Variants in GAB1 observed in about 807,000 individuals in gnomAD.
GAB1 encodes GRB2-associated-binding protein 1.
Under a neutral mutation model 66.5 loss-of-function variants are expected in GAB1, and 19 were observed. That is an observed-to-expected ratio of 0.29 (90% CI 0.20 to 0.42). The LOEUF (loss-of-function observed/expected upper bound fraction) is 0.42, where lower values mean the gene tolerates loss of function less well. GAB1 is among the 10% of genes least tolerant of loss of function. The pLI is 1.00. For missense variants in GAB1, 732 were observed against 858.5 expected, an observed-to-expected ratio of 0.85 and a Z score of 1.84; for synonymous variants, 294 against 301.4, an observed-to-expected ratio of 0.98 and a Z score of 0.25.
chr4:143,368,183 A>G lies in GAB1; in HGVS notation c.72+30923A>G, dbSNP rs577145181. 3.3e-5 allele frequency among the ~76,000 whole-genome samples: 5 copies of G among 152,132 alleles called. No homozygotes were observed. In the East Asian group the frequency reaches 9.6e-4, roughly 29 times the overall value. On this transcript the variant is annotated intron_variant, in intron 1 of 9. Coordinates refer to ENST00000262994, the MANE Select transcript of GAB1 (RefSeq NM_002039.4). ...TGATAGGTCCTGTTTTTTGAGGAAA[A>G]AAAAAAAACAAGCATTCCTAACTAC...
chr4:143,350,169 C>G, intron 1 of GAB1: 1 of 702,270 alleles, frequency 1.4e-6, no homozygotes, highest in South Asian at 1.7e-5. Flanking sequence ...TATTAAGACA[C>G]TTTTTGTGTG....
chr4:143,466,034 A>G, intron 8 of GAB1, 69 bp from the exon 9 acceptor site: 2 of 1,554,582 alleles, frequency 1.3e-6, no homozygotes, highest in Non-Finnish European at 1.8e-6. Context: ...GCTTCCGTAG[A>G]TGTTCAACAG....
In GAB1 at chr4:143,412,872, A is replaced by G. The variant is rs536969351; in HGVS notation, c.73-2605A>G. 7.9e-5 allele frequency among the ~76,000 whole-genome samples: 12 copies of G among 152,354 alleles called. No homozygotes were observed. In the South Asian group the frequency reaches 8.3e-4, roughly 11 times the overall value. On this transcript the variant is annotated intron_variant, in intron 1 of 9. Coordinates refer to ENST00000262994, the MANE Select transcript of GAB1 (RefSeq NM_002039.4). ...TGAGAGAAAAAAGACAGGAAACTGT[A>G]TTTAAAAGATGAACTATACAAGCAT... is the stretch of plus-strand genomic sequence containing the variant.
At chr4:143,403,373 C>G (rs1376978503) in intron 1 of GAB1, among the ~76,000 whole-genome samples, 1 of 151,984 alleles carries the variant, frequency 6.6e-6, no homozygotes, top group Non-Finnish European at 1.5e-5. Flanking sequence ...TCCTGTTGAC[C>G]GAAGGTTATG....
At position 143,438,304 on chromosome 4, in the gene GAB1, T is replaced by C. The variant is rs779044784; in HGVS notation, c.899T>C (p.Met300Thr). ...PSGTSSVETQ[M>T]RHVSISYDIP... Reference sequence around the variant, plus strand: ...GGGACATCGAGTGTAGAGACTCAAATGAGGCATGTATCTATTAGTTATGAC... The same window carrying C: ...GGGACATCGAGTGTAGAGACTCAAACGAGGCATGTATCTATTAGTTATGAC... Residue 300 changes from methionine to threonine, a missense_variant, in exon 4 of 10, where the codon ATG (methionine) becomes ACG (threonine). By Grantham distance (81) the Met-to-Thr change is moderately conservative. Transcript: ENST00000262994. The C allele has an allele frequency of 1.6e-5, 26 of 1,613,854 alleles. No homozygotes were observed. The highest frequency in any genetic ancestry group is 2.2e-5 in the Non-Finnish European group (26 of 1,179,876).
At chr4:143,375,523 T>C (rs1161402816) in intron 1 of GAB1, among the ~76,000 whole-genome samples, 2 of 152,098 alleles carry the variant, frequency 1.3e-5, no homozygotes, top group African/African-American at 4.8e-5. Context: ...CCTCCCAACA[T>C]TGATCATGCA....
At chr4:143,466,053 GT>G (rs763616764) in intron 8 of GAB1, 49 bp from the exon 9 acceptor site, 68 of 1,604,194 alleles carry the variant, frequency 4.2e-5, no homozygotes, top group Non-Finnish European at 5.8e-5. Flanking sequence ...AGTACGAGTG[GT>G]ATGTCTGGTG....
intron 8 of GAB1, among the ~76,000 whole-genome samples, chr4:143,465,681 C>A (rs1020648448): frequency 6.6e-6 from 1 of 152,062 alleles, no homozygotes. Flanking sequence ...ATGATTGAAA[C>A]AAAATACACT....
chr4:143,386,943 G>C (rs911132430), intron 1 of GAB1, among the ~76,000 whole-genome samples: 1 of 151,994 alleles, frequency 6.6e-6, no homozygotes, highest in Non-Finnish European at 1.5e-5. Flanking sequence ...TTTTTTTGTT[G>C]ATGTCTACTG....
chr4:143,443,898 C>G (rs1037197972), intron 6 of GAB1, among the ~76,000 whole-genome samples: 1 of 152,160 alleles, frequency 6.6e-6, no homozygotes, highest in African/African-American at 2.4e-5. Context: ...GTTCTGAACA[C>G]TTAAACATAA....
rs955289023 is a variant in GAB1 at position 143,470,909 on chromosome 4, T to G, written c.*1720T>G. ...TTTGATGCTTTTAAATATTTGCTTC[T>G]TTTTAAACAAAAACTAAAACCCAGA... On this transcript the variant is annotated 3_prime_UTR_variant, in exon 10 of 10. Transcript: ENST00000262994. 6.6e-5 allele frequency: 10 copies of G among 152,236 alleles called. No individual in the cohort carries two copies. Among genetic ancestry groups the G allele is most frequent in the African/African-American group, 1.9e-4 (8 of 41,462 alleles). The allele number at this position is 152,236 out of a possible 1,614,324, so 9.4% of individuals were successfully genotyped here.
chr4:143,443,925 G>T (rs1205476266), intron 6 of GAB1, among the ~76,000 whole-genome samples: 3 of 152,112 alleles, frequency 2.0e-5, no homozygotes, highest in African/African-American at 7.2e-5. Context: ...TAGACCCTTT[G>T]CCTGTCACTC....
At chr4:143,468,436 A>G (rs1341766533) in intron 9 of GAB1, among the ~76,000 whole-genome samples, 1 of 150,794 alleles carries the variant, frequency 6.6e-6, no homozygotes, top group Non-Finnish European at 1.5e-5. Context: ...GCTGGTCTTG[A>G]ACTCCTGACC....
chr4:143,463,596 C>T (rs1735616533), intron 8 of GAB1, among the ~76,000 whole-genome samples: 1 of 149,140 alleles, frequency 6.7e-6, no homozygotes, highest in Non-Finnish European at 1.5e-5. Flanking sequence ...GCCCTGCAGC[C>T]CAGGCAACAA....
chr4:143,350,178 T>C lies in GAB1; in HGVS notation c.72+12918T>C, dbSNP rs983456362. The C allele has an allele frequency of 1.5e-5, 10 of 663,316 alleles. No homozygotes were observed. The Admixed American group carries it at 2.3e-4, about 15-fold the overall frequency. 41.1% of individuals were successfully genotyped at this position (663,316 alleles called of 1,614,324 possible). ...AGAAAATATTAAGACACTTTTTGTG[T>C]GCTCCTAAATGTATCATGGGCCCCA... On this transcript the variant is annotated intron_variant, in intron 1 of 9. Coordinates refer to ENST00000262994, the MANE Select transcript of GAB1 (RefSeq NM_002039.4).
chr4:143,370,678 C>A (rs1253573760), intron 1 of GAB1, among the ~76,000 whole-genome samples: 1 of 152,132 alleles, frequency 6.6e-6, no homozygotes, highest in African/African-American at 2.4e-5. Flanking sequence ...AGGTATATCT[C>A]CTAATGCTAT....
chr4:143,429,416 T>G (rs747102053), intron 2 of GAB1, among the ~76,000 whole-genome samples: 17 of 152,168 alleles, frequency 1.1e-4, no homozygotes, highest in Non-Finnish European at 2.4e-4. Context: ...AATAATTAAT[T>G]TAACATAGGC....
At chr4:143,447,431 G>A (rs191086011) in intron 6 of GAB1, among the ~76,000 whole-genome samples, 4,663 of 152,244 alleles carry the variant, frequency 0.031, 135 homozygotes, top group South Asian at 0.11. Flanking sequence ...CGATGAGCAT[G>A]GAATGTTCTT....
chr4:143,339,151 G>T (rs2149638970), intron 1 of GAB1, among the ~76,000 whole-genome samples: 1 of 152,344 alleles, frequency 6.6e-6, no homozygotes, highest in Middle Eastern at 3.4e-3. Flanking sequence ...TTTGAACCCA[G>T]ATCTGCCTGA....
Sources: gnomAD v4.1 joint callset for allele counts (sites outside exome capture counted in the v4.1 genomes callset) on GRCh38, gnomAD v4.1.1 for gene constraint, MANE v1.5 for transcripts, NCBI Gene and HGNC (gene_info 2026-07-23, HGNC 2026-07-21) for gene names.